The following DGCR8 variants were observed in gnomAD, a reference collection of about 807,000 sequenced individuals.
DGCR8 encodes microprocessor complex subunit DGCR8.
In DGCR8, 14 loss-of-function variants were observed where a neutral mutation model predicts 78.5. That is an observed-to-expected ratio of 0.18 (90% CI 0.12 to 0.28). The LOEUF (loss-of-function observed/expected upper bound fraction) is 0.28. DGCR8 is among the 10% of genes least tolerant of loss of function. The probability of loss-of-function intolerance (pLI) is 1.00; values close to 1 mark genes in which losing one functional copy is unlikely to be tolerated. For synonymous variants in DGCR8, 399 were observed against 402.4 expected (o/e 0.99, Z 0.10); for missense variants, 702 against 1,022.5 (o/e 0.69, Z 4.28).
Position 20,111,765 on chromosome 22 carries a change from G to T in DGCR8, c.*1657G>T. ...GGGTATGAATCGTGCACACAGCCAT[G>T]CTTCAAGGCCGGGGCAGGGGAGCCT... On this transcript the variant is annotated 3_prime_UTR_variant, in exon 14 of 14. Transcript: ENST00000351989. 1 of 219,420 alleles carries T rather than the reference G, an allele frequency of 4.6e-6. No homozygotes were observed. The highest frequency in any genetic ancestry group is 7.4e-5 in the East Asian group (1 of 13,452). 13.6% of individuals were successfully genotyped at this position (219,420 alleles called of 1,614,324 possible). A position where few individuals can be genotyped will look rare whatever the true frequency, so the allele number is the denominator to read the frequency against.
At chr22:20,108,764 C>A in intron 12 of DGCR8, 126 bp from the exon 13 acceptor site, 1 of 162,058 alleles carries the variant, frequency 6.2e-6, no homozygotes, top group Admixed American at 1.5e-4. Context: ...CAGCTCCTGG[C>A]TGTTTCGTGT....
intron 11 of DGCR8, 66 bp from the exon 12 acceptor site, chr22:20,107,205 G>A: frequency 1.2e-6 from 2 of 1,602,670 alleles, no homozygotes; most frequent in South Asian, 1.1e-5. Context: ...GCTGGGAGCG[G>A]CAGGGGGCCC....
In DGCR8 at chr22:20,090,103, G is replaced by T; in HGVS notation, c.1151G>T (p.Arg384Leu). 6.2e-7 allele frequency: 1 copy of T among 1,614,220 alleles called. No homozygotes were observed. The change falls in exon 5 of 14, where the codon CGA (arginine) becomes CTA (leucine). Residue 384 changes from arginine to leucine, a missense_variant. By Grantham distance (102) the Arg-to-Leu change is moderately radical. Transcript: ENST00000351989. The stretch of plus-strand genomic sequence containing the variant: ...GTGTCCCCCGTCAAGCCCCTGAGCC[G>T]ATCTGCAGAGCTGGAGTTTCCCCTG... ...GDVSPVKPLS[R>L]SAELEFPLDE...
chr22:20,101,840 G>C, intron 9 of DGCR8: 1 of 985,382 alleles, frequency 1.0e-6, no homozygotes, highest in Non-Finnish European at 1.2e-6. Flanking sequence ...CTGGGGCGTG[G>C]GGTAGTATCC....
chr22:20,086,595 T>C lies in DGCR8; in HGVS notation c.632T>C (p.Leu211Pro). ...ELEDFTDNLE[L>P]DEEGAGGFTA... Reference sequence around the variant, plus strand: ...GAAGATTTTACTGACAATTTGGAGCTAGATGAAGAAGGAGCAGGCGGGTTC... The same window carrying C: ...GAAGATTTTACTGACAATTTGGAGCCAGATGAAGAAGGAGCAGGCGGGTTC... The change falls in exon 2 of 14, where the codon CTA becomes CCA. Residue 211 changes from leucine to proline, a missense_variant. Physicochemically the swap from Leu to Pro is moderately conservative, Grantham distance 98 (BLOSUM62 -3). Transcript: ENST00000351989. This position sits in a 1 kb window ranked among gnomAD's most constrained non-coding sequence, Gnocchi z 6.4. 3 of 1,613,600 alleles carry C rather than the reference T, an allele frequency of 1.9e-6. No homozygotes were observed. The highest frequency in any genetic ancestry group is 1.3e-5 in the African/African-American group (1 of 74,960).
chr22:20,106,073 A>G (rs1568961767), intron 9 of DGCR8, 104 bp from the exon 10 acceptor site: 1 of 863,742 alleles, frequency 1.2e-6, no homozygotes, highest in Non-Finnish European at 1.9e-6. Context: ...AGGCGAGCTC[A>G]CAAGAACAGA....
chr22:20,090,144 A>T lies in DGCR8; in HGVS notation c.1192A>T (p.Met398Leu). The change falls in exon 5 of 14, where the codon ATG becomes TTG. Residue 398 changes from methionine to leucine, a missense_variant. This residue lies in a region of DGCR8 where 119 missense variants were observed against 126.1 expected (regional missense o/e 0.94). Transcript: ENST00000351989. ...GTTTCCCCTGGATGAGCCTGACTCT[A>T]TGGGTGCTGACCCGGGGCCCCCGGA... ...LEFPLDEPDS[M>L]GADPGPPDEK... 6.2e-7 allele frequency: 1 copy of T among 1,614,184 alleles called. No individual in the cohort carries two copies. The highest frequency in any genetic ancestry group is 1.3e-5 in the African/African-American group (1 of 75,052).
At chr22:20,097,075 T>C (rs1164661615) in intron 9 of DGCR8, among the ~76,000 whole-genome samples, 2 of 152,224 alleles carry the variant, frequency 1.3e-5, no homozygotes, top group African/African-American at 4.8e-5. Context: ...ATTTTGCTGG[T>C]ATTTTGTTAA....
chr22:20,101,877 G>A (rs1213859010), intron 9 of DGCR8: 4 of 985,382 alleles, frequency 4.1e-6, no homozygotes, highest in Non-Finnish European at 4.8e-6. Context: ...CCGGAGGTGG[G>A]GTTGACATGT....
At position 20,111,756 on chromosome 22, in the gene DGCR8, C is replaced by G. The variant is rs563208220; in HGVS notation, c.*1648C>G. On this transcript the variant is annotated 3_prime_UTR_variant, in exon 14 of 14. Coordinates refer to ENST00000351989, the MANE Select transcript of DGCR8 (RefSeq NM_022720.7). Reference sequence around the variant, plus strand: ...GCCAAGCATGGGTATGAATCGTGCACACAGCCATGCTTCAAGGCCGGGGCA... The same window carrying G: ...GCCAAGCATGGGTATGAATCGTGCAGACAGCCATGCTTCAAGGCCGGGGCA... The G allele has an allele frequency of 4.0e-6, 1 of 249,406 alleles. No individual in the cohort carries two copies. The highest frequency in any genetic ancestry group is 1.9e-4 in the South Asian group (1 of 5,186). The allele number at this position is 249,406 out of a possible 1,614,324, so 15.4% of individuals were successfully genotyped here.
chr22:20,090,056 T>C lies in DGCR8; in HGVS notation c.1104T>C (p.Ser368=), dbSNP rs752768520. The C allele has an allele frequency of 4.3e-6, 7 of 1,614,104 alleles. No homozygotes were observed. In the African/African-American group the frequency reaches 5.3e-5, roughly 12 times the overall value. ...MKDNEEREQS[S]DLTPSGDVSP... ...ACAACGAGGAACGGGAGCAAAGCAG[T>C]GACCTCACCCCTAGTGGGGATGTGT... is the stretch of plus-strand genomic sequence containing the variant. Residue 368 remains serine (S), a synonymous_variant, in exon 5 of 14, where the codon AGT becomes AGC. Coordinates refer to ENST00000351989, the MANE Select transcript of DGCR8 (RefSeq NM_022720.7).
Position 20,111,640 on chromosome 22 carries a change from C to G in DGCR8, c.*1532C>G, listed in dbSNP as rs949832409. 5 of 332,462 alleles carry G rather than the reference C, an allele frequency of 1.5e-5. No homozygotes were observed. The highest frequency in any genetic ancestry group is 2.7e-5 in the Non-Finnish European group (5 of 183,288). The allele number at this position is 332,462 out of a possible 1,614,324, so 20.6% of individuals were successfully genotyped here. ...TGTTCCCCTAAAGGTTGGGGAGCCT[C>G]GCTGTGTCTTGCTGTTCCCAGGCAC... On this transcript the variant is annotated 3_prime_UTR_variant, in exon 14 of 14. Transcript: ENST00000351989.
intron 13 of DGCR8, among the ~76,000 whole-genome samples, chr22:20,109,499 C>A (rs764272856): frequency 6.6e-6 from 1 of 152,198 alleles, no homozygotes; most frequent in Non-Finnish European, 1.5e-5. Flanking sequence ...GTGTGGCAGT[C>A]CCCTGGCCTG....
chr22:20,104,233 T>C (rs1633418), intron 9 of DGCR8, among the ~76,000 whole-genome samples: 87,472 of 150,738 alleles, frequency 0.58, 26,126 homozygotes, highest in East Asian at 0.77. Context: ...GGCGCAATCT[T>C]GGCTCACTGC....
intron 8 of DGCR8, among the ~76,000 whole-genome samples, chr22:20,093,680 CCACACAGAA>C (rs1287223851): frequency 1.3e-5 from 2 of 152,358 alleles, no homozygotes; most frequent in African/African-American, 4.8e-5. Flanking sequence ...TTGGGCCTAG[CCACACAGAA>C]CACCTGGCAC....
chr22:20,086,424 C>T lies in DGCR8; in HGVS notation c.461C>T (p.Pro154Leu), dbSNP rs754677487. Reference protein sequence around the residue: ...VRAECGLLLSPVSGDVHACPF... With the variant: ...VRAECGLLLSLVSGDVHACPF... ...GCGGAGTGCGGTCTGCTCCTTAGCC[C>T]TGTCAGTGGGGACGTGCATGCTTGT... Residue 154 changes from proline to leucine, a missense_variant, in exon 2 of 14, where the codon CCT becomes CTT. Coordinates refer to ENST00000351989, the MANE Select transcript of DGCR8 (RefSeq NM_022720.7). The surrounding 1 kb of genome is among the most constrained non-coding windows in gnomAD (Gnocchi z 6.4). The T allele has an allele frequency of 6.2e-7, 1 of 1,613,976 alleles. No homozygotes were observed. The highest frequency in any genetic ancestry group is 8.5e-7 in the Non-Finnish European group (1 of 1,180,008).
Position 20,111,574 on chromosome 22 carries a change from GCCAGCCAGATGCGCCTGTGAA to G in DGCR8, c.*1470_*1490del, listed in dbSNP as rs1458339102. Reference sequence around the variant, plus strand: ...CATTTGACTGTGACTGTTGCCCTTAGCCAGCCAGATGCGCCTGTGAACCAAAGCTTCGTGCACATGTGTTCC... The same window carrying G: ...CATTTGACTGTGACTGTTGCCCTTAGCCAAAGCTTCGTGCACATGTGTTCC... On this transcript the variant is annotated 3_prime_UTR_variant, in exon 14 of 14. Transcript: ENST00000351989. 5.0e-6 allele frequency: 2 copies of G among 397,090 alleles called. No homozygotes were observed. The highest frequency in any genetic ancestry group is 8.9e-6 in the Non-Finnish European group (2 of 225,722). The allele number at this position is 397,090 out of a possible 1,614,324, so 24.6% of individuals were successfully genotyped here.
intron 7 of DGCR8, 124 bp from the exon 8 acceptor site, chr22:20,092,685 G>C (rs2049579839): frequency 1.3e-6 from 1 of 751,692 alleles, no homozygotes; most frequent in African/African-American, 1.8e-5. Flanking sequence ...CTGCAGTCAA[G>C]CACAGGCCCA....
intron 9 of DGCR8, among the ~76,000 whole-genome samples, chr22:20,103,957 C>T (rs1051296765): frequency 1.5e-4 from 23 of 152,202 alleles, no homozygotes; most frequent in African/African-American, 2.2e-4. Flanking sequence ...TGCTCCCACA[C>T]GGTCCTTTGG....
Sources: gnomAD v4.1 joint callset for allele counts (sites outside exome capture counted in the v4.1 genomes callset) on GRCh38, gnomAD v4.1.1 for gene constraint, gnomAD v4.1.1 regional missense constraint, Gnocchi (gnomAD v3.1) non-coding constraint, MANE v1.5 for transcripts, NCBI Gene and HGNC (gene_info 2026-07-23, HGNC 2026-07-21) for gene names.